The following BCL2L14 variants were observed in gnomAD, a reference collection of about 807,000 sequenced individuals.
BCL2L14 encodes the protein BCL2 like 14.
In BCL2L14, 27 loss-of-function variants were observed where a neutral mutation model predicts 35.3. The observed-to-expected ratio is 0.76, with a 90% CI of 0.56 to 1.05. The LOEUF (loss-of-function observed/expected upper bound fraction) is 1.05. Among genes scored for constraint, BCL2L14 ranks in the 50% least tolerant of loss-of-function variants. The probability of loss-of-function intolerance (pLI) is 0.00; values close to 1 mark genes in which losing one functional copy is unlikely to be tolerated. For synonymous variants in BCL2L14, 139 were observed against 145.9 expected, an observed-to-expected ratio of 0.95 and a Z score of 0.34; for missense variants, 377 against 382.6, an observed-to-expected ratio of 0.99 and a Z score of 0.12.
chr12:12,051,273 C>T (rs1565432063), intron 1 of BCL2L14, among the ~76,000 whole-genome samples: 1 of 152,192 alleles, frequency 6.6e-6, no homozygotes, highest in African/African-American at 2.4e-5. Context: ...GTCTACTGGG[C>T]AGTGCTAGGC....
At position 12,079,560 on chromosome 12, in the gene BCL2L14, C is replaced by G; in HGVS notation, c.255C>G (p.Asn85Lys). The change falls in exon 2 of 6, where the codon AAC (asparagine) becomes AAG (lysine). Residue 85 changes from asparagine to lysine, a missense_variant. Coordinates refer to ENST00000308721, the MANE Select transcript of BCL2L14 (RefSeq NM_138723.2). ...RNSQSSEKAI[N>K]LGKKKSSWKA... Reference sequence around the variant, plus strand: ...CCCAATCCAGTGAGAAGGCCATAAACCTTGGCAAGAAAAAGTCTTCTTGGA... The same window carrying G: ...CCCAATCCAGTGAGAAGGCCATAAAGCTTGGCAAGAAAAAGTCTTCTTGGA... 2 of 1,614,164 alleles carry G rather than the reference C, an allele frequency of 1.2e-6. No homozygotes were observed. The highest frequency in any genetic ancestry group is 1.1e-5 in the South Asian group (1 of 91,080).
intron 2 of BCL2L14, 139 bp from the exon 3 acceptor site, chr12:12,087,074 G>A (rs991829687): frequency 2.2e-6 from 2 of 917,770 alleles, no homozygotes; most frequent in Non-Finnish European, 3.3e-6. Context: ...TCTGAAGAAT[G>A]ACCCTCCCCC....
upstream of BCL2L14, among the ~76,000 whole-genome samples, chr12:12,068,727 G>T (rs11054663): frequency 0.043 from 6,583 of 152,152 alleles, 171 homozygotes; most frequent in Middle Eastern, 0.061. Context: ...TTGGGGTTCA[G>T]TCTGGGAGGC....
At chr12:12,072,644 G>C (rs950052363) in intron 1 of BCL2L14, 2 of 152,124 alleles carry the variant, frequency 1.3e-5, no homozygotes, top group African/African-American at 4.8e-5. Flanking sequence ...CCCCACCCAG[G>C]GCTTCTGTCA....
upstream of BCL2L14, among the ~76,000 whole-genome samples, chr12:12,070,431 T>A (rs1381575615): frequency 1.3e-5 from 2 of 152,200 alleles, no homozygotes; most frequent in African/African-American, 4.8e-5. Context: ...ACGCCTGTAA[T>A]CCCAGCACTT....
chr12:12,079,487 G>C lies in BCL2L14; in HGVS notation c.182G>C (p.Cys61Ser), dbSNP rs368530005. Residue 61 changes from cysteine (C) to serine (S), a missense_variant, in exon 2 of 6, where the codon TGT (cysteine) becomes TCT (serine). Coordinates refer to ENST00000308721, the MANE Select transcript of BCL2L14 (RefSeq NM_138723.2). The part of the protein sequence containing the change: ...RSLSQRGLGN[C>S]SANESWTEVS... ...TTGTCCCAGAGGGGCCTGGGGAATT[G>C]TTCAGCAAATGAGTCATGGACAGAG... 3 of 1,614,122 alleles carry C rather than the reference G, an allele frequency of 1.9e-6. No individual in the cohort carries two copies. The highest frequency in any genetic ancestry group is 2.5e-6 in the Non-Finnish European group (3 of 1,180,054).
At chr12:12,097,501 G>C (rs1208341142) in intron 5 of BCL2L14, among the ~76,000 whole-genome samples, 3 of 152,218 alleles carry the variant, frequency 2.0e-5, no homozygotes, top group South Asian at 2.1e-4. Context: ...TATAGATACA[G>C]AAAGTAGACT....
chr12:12,049,889 ATGGGCTCCCC>A (rs1229867486), exon 1 of BCL2L14: 1 of 152,276 alleles, frequency 6.6e-6, no homozygotes, highest in Non-Finnish European at 1.5e-5. Context: ...TAGAGGCTAA[ATGGGCTCCCC>A]TGGACTCGCC....
At chr12:12,065,140 T>C (rs1948579252) in intron 2 of BCL2L14, among the ~76,000 whole-genome samples, 1 of 152,174 alleles carries the variant, frequency 6.6e-6, no homozygotes, top group African/African-American at 2.4e-5. Flanking sequence ...TATTAACACA[T>C]GCATACACAC....
At chr12:12,056,652 G>A (rs1948436950) in intron 2 of BCL2L14, among the ~76,000 whole-genome samples, 1 of 152,192 alleles carries the variant, frequency 6.6e-6, no homozygotes, top group Admixed American at 6.5e-5. Flanking sequence ...TGACCAACAT[G>A]GTGAAACCCC....
chr12:12,087,719 G>A (rs950384976), intron 3 of BCL2L14, among the ~76,000 whole-genome samples: 1 of 152,192 alleles, frequency 6.6e-6, no homozygotes, highest in Non-Finnish European at 1.5e-5. Context: ...AGTGACCCTG[G>A]GCCAATTTGC....
chr12:12,075,739 T>C (rs529793059), intron 1 of BCL2L14, among the ~76,000 whole-genome samples: 2 of 152,260 alleles, frequency 1.3e-5, no homozygotes, highest in African/African-American at 4.8e-5. Flanking sequence ...ATGTTTCTTA[T>C]GTCTCTTTTA....
intron 1 of BCL2L14, chr12:12,072,273 C>A (rs10845469): frequency 2.0e-5 from 3 of 152,012 alleles, no homozygotes; most frequent in African/African-American, 7.2e-5. Flanking sequence ...CAAGTGAGTC[C>A]GCAGAGCGAG....
chr12:12,060,624 T>C (rs535224833), intron 2 of BCL2L14, among the ~76,000 whole-genome samples: 14 of 36,066 alleles, frequency 3.9e-4, no homozygotes, highest in Admixed American at 6.4e-4. Context: ...AACCTCAGCG[T>C]CCAGGCGTTC....
chr12:12,061,536 A>C (rs1439665785), intron 2 of BCL2L14, among the ~76,000 whole-genome samples: 1 of 152,026 alleles, frequency 6.6e-6, no homozygotes, highest in Non-Finnish European at 1.5e-5. Flanking sequence ...ATGCCTTATC[A>C]ACCAAATTGT....
At chr12:12,097,946 T>C (rs1949351925) in intron 5 of BCL2L14, among the ~76,000 whole-genome samples, 1 of 152,196 alleles carries the variant, frequency 6.6e-6, no homozygotes, top group Non-Finnish European at 1.5e-5. Context: ...TCATAAACCT[T>C]AATCTTAACT....
Position 12,079,342 on chromosome 12 carries a change from C to T in BCL2L14, c.37C>T (p.Pro13Ser), listed in dbSNP as rs766056839. ...CAGTGGGTGTGACCTGGAAGAAATC[C>T]CCCTAGATGATGATGACCTAAACAC... ...STSGCDLEEI[P>S]LDDDDLNTIE... is the part of the protein sequence containing the mutation. The change falls in exon 2 of 6, where the codon CCC (proline) becomes TCC (serine). Residue 13 changes from proline (P) to serine (S), a missense_variant. By Grantham distance (74) the Pro-to-Ser change is moderately conservative. Coordinates refer to ENST00000308721, the MANE Select transcript of BCL2L14 (RefSeq NM_138723.2). 39 of 1,614,032 alleles carry T rather than the reference C, an allele frequency of 2.4e-5. No individual in the cohort carries two copies. Among genetic ancestry groups the T allele is most frequent in the Non-Finnish European group, 2.8e-5 (33 of 1,179,996 alleles).
chr12:12,063,703 C>A (rs1948558887), intron 2 of BCL2L14, among the ~76,000 whole-genome samples: 1 of 152,176 alleles, frequency 6.6e-6, no homozygotes, highest in Non-Finnish European at 1.5e-5. Flanking sequence ...TGAGCCCAAG[C>A]TAAGCCATCA....
chr12:12,076,475 C>T (rs564243206), intron 1 of BCL2L14, among the ~76,000 whole-genome samples: 1 of 152,302 alleles, frequency 6.6e-6, no homozygotes, highest in South Asian at 2.1e-4. Flanking sequence ...CCACTTCATG[C>T]CATACTCCTC....
Sources: allele counts gnomAD v4.1 joint callset (sites outside exome capture counted in the v4.1 genomes callset), GRCh38; gene constraint gnomAD v4.1.1; transcripts MANE v1.5; gene names NCBI Gene and HGNC (gene_info 2026-07-23, HGNC 2026-07-21).